Variants in CRACD observed in about 807,000 individuals in gnomAD.
The protein encoded by CRACD is capping protein inhibiting regulator of actin dynamics.
In CRACD, 56 loss-of-function variants were observed where a neutral mutation model predicts 106.8. The ratio of observed to expected loss-of-function variants is 0.52; its 90% CI spans 0.42 to 0.66. The LOEUF (loss-of-function observed/expected upper bound fraction) is 0.66, where lower values mean the gene tolerates loss of function less well. CRACD is among the 30% of genes least tolerant of loss of function. CRACD has a pLI of 0.00. For synonymous variants in CRACD, 754 were observed against 670.8 expected (o/e 1.12, Z -1.92); for missense variants, 1,730 against 1,623.2 (o/e 1.07, Z -1.13).
chr4:56,130,925 T>G (rs1734807005), intron 1 of CRACD, among the ~76,000 whole-genome samples: 1 of 152,184 alleles, frequency 6.6e-6, no homozygotes. Flanking sequence ...GGGTTAGAGA[T>G]TAGTCATTTG....
At position 56,103,625 on chromosome 4, in the gene CRACD, A is replaced by G. The variant is rs576308682; in HGVS notation, c.-336+54326A>G. On this transcript the variant is annotated intron_variant, in intron 1 of 10. Coordinates refer to ENST00000682029, the MANE Select transcript of CRACD (RefSeq NM_001393381.1). The stretch of plus-strand genomic sequence containing the variant: ...ACTAATTATTTTGTTACATTATTCC[A>G]TAAAGGATAAGGGAATTGGCAGAGT... Among the ~76,000 whole-genome samples, 7 of 152,346 alleles carry G rather than the reference A, an allele frequency of 4.6e-5. 1 individual carries two copies. The South Asian group carries it at 1.5e-3, about 32-fold the overall frequency.
At chr4:56,110,218 G>A (rs1734073363) in intron 1 of CRACD, among the ~76,000 whole-genome samples, 1 of 152,186 alleles carries the variant, frequency 6.6e-6, no homozygotes, top group African/African-American at 2.4e-5. Flanking sequence ...AAATGGAGCA[G>A]TGCCTTCAAA....
intron 1 of CRACD, among the ~76,000 whole-genome samples, chr4:56,109,406 A>G (rs1734048439): frequency 6.6e-6 from 1 of 152,130 alleles, no homozygotes. Flanking sequence ...GCACCTAGGT[A>G]ATCCTTCGCC....
intron 1 of CRACD, among the ~76,000 whole-genome samples, chr4:56,073,074 C>G (rs35204688): frequency 0.32 from 47,936 of 151,956 alleles, 7,909 homozygotes; most frequent in African/African-American, 0.41. Flanking sequence ...ATACGTTTGC[C>G]TGTGTCTTTA....
intron 1 of CRACD, among the ~76,000 whole-genome samples, chr4:56,147,287 C>G (rs981325598): frequency 3.2e-4 from 49 of 152,180 alleles, no homozygotes; most frequent in Admixed American, 3.1e-3. Flanking sequence ...AGGCTGAAAG[C>G]AAGAAACGAG....
At chr4:56,233,577 C>T (rs1028616801) in intron 2 of CRACD, among the ~76,000 whole-genome samples, 3 of 152,066 alleles carry the variant, frequency 2.0e-5, no homozygotes, top group Non-Finnish European at 2.9e-5. Context: ...ATTTTTATGC[C>T]AATACCACAC....
chr4:56,125,755 ATTC>A (rs202032983), intron 1 of CRACD, among the ~76,000 whole-genome samples: 20 of 134,948 alleles, frequency 1.5e-4, no homozygotes, highest in Non-Finnish European at 2.5e-4. Flanking sequence ...TATTACTGTC[ATTC>A]TTCTTCTTTT....
chr4:56,233,310 G>A (rs1428870156), intron 2 of CRACD, among the ~76,000 whole-genome samples: 1 of 151,802 alleles, frequency 6.6e-6, no homozygotes, highest in Non-Finnish European at 1.5e-5. Flanking sequence ...ACAGGGCCTT[G>A]CTATATTTCC....
intron 1 of CRACD, among the ~76,000 whole-genome samples, chr4:56,137,092 C>T (rs919155771): frequency 6.6e-6 from 1 of 152,070 alleles, no homozygotes; most frequent in African/African-American, 2.4e-5. Flanking sequence ...TGTCTTTACA[C>T]CAACACCTGT....
chr4:56,193,533 C>A (rs1167935788), intron 2 of CRACD, among the ~76,000 whole-genome samples: 1 of 152,150 alleles, frequency 6.6e-6, no homozygotes, highest in East Asian at 1.9e-4. Flanking sequence ...TTTCTTCCTT[C>A]CCAAATTGTT....
intron 2 of CRACD, among the ~76,000 whole-genome samples, chr4:56,226,350 G>A (rs1739301160): frequency 6.6e-6 from 1 of 152,084 alleles, no homozygotes; most frequent in South Asian, 2.1e-4. Context: ...TTTCAGTCCT[G>A]GTATATTGCG....
chr4:56,299,642 C>T (rs1744250323), intron 4 of CRACD, among the ~76,000 whole-genome samples: 2 of 151,094 alleles, frequency 1.3e-5, no homozygotes, highest in African/African-American at 4.9e-5. Context: ...TGCATGCCTT[C>T]CTGGGTGATA....
At chr4:56,206,513 G>A (rs556431696) in intron 2 of CRACD, among the ~76,000 whole-genome samples, 5 of 152,282 alleles carry the variant, frequency 3.3e-5, no homozygotes, top group South Asian at 2.1e-4. Flanking sequence ...ATTGACAGCC[G>A]TCCATCTCTG....
rs573669686 is a variant in CRACD at position 56,176,579 on chromosome 4, C to T, written c.-335-2705C>T. Reference sequence around the variant, plus strand: ...GAGTAGCTGGGACTACAGGCACCCACTACCACGCCCGGCTAATTTTTTTGT... The same window carrying T: ...GAGTAGCTGGGACTACAGGCACCCATTACCACGCCCGGCTAATTTTTTTGT... On this transcript the variant is annotated intron_variant, in intron 1 of 10. Transcript: ENST00000682029. Among the ~76,000 whole-genome samples, 17 of 152,178 alleles carry T rather than the reference C, an allele frequency of 1.1e-4. No homozygotes were observed. The South Asian group carries it at 3.5e-3, about 32-fold the overall frequency.
chr4:56,314,389 A>T lies in CRACD; in HGVS notation c.887A>T (p.Glu296Val), dbSNP rs1358017221. The change falls in exon 8 of 11, where the codon GAA becomes GTA. Residue 296 changes from glutamate to valine, a missense_variant. Around this residue, in one of 5 missense-constraint regions of CRACD, gnomAD observed 1,620 missense variants for 1,481.6 expected, o/e 1.09. Transcript: ENST00000682029. The surrounding 1 kb of genome is among the most constrained non-coding windows in gnomAD (Gnocchi z 4.4). ...APREEQQRSL[E>V]APGWEDAERR... ...CGGGAAGAGCAGCAGCGGAGCCTGG[A>T]AGCGCCAGGTTGGGAGGACGCGGAG... 6.5e-7 allele frequency: 1 copy of T among 1,542,888 alleles called. No individual in the cohort carries two copies. The highest frequency in any genetic ancestry group is 8.7e-7 in the Non-Finnish European group (1 of 1,143,798).
intron 2 of CRACD, among the ~76,000 whole-genome samples, chr4:56,264,566 G>T (rs1445822512): frequency 1.3e-5 from 2 of 152,264 alleles, no homozygotes; most frequent in East Asian, 1.9e-4. Context: ...CATCTGTTCA[G>T]GGATCTGAAC....
At chr4:56,310,790 C>CA in intron 6 of CRACD, 56 bp downstream of exon 6, 1 of 831,288 alleles carries the variant, frequency 1.2e-6, no homozygotes, top group Non-Finnish European at 1.8e-6. Flanking sequence ...CTTTCATCTT[C>CA]CCCCCCCCTT....
Position 56,328,329 on chromosome 4 carries a change from A to G in CRACD, c.*525A>G, listed in dbSNP as rs1396615734. On this transcript the variant is annotated 3_prime_UTR_variant, in exon 11 of 11. Transcript: ENST00000682029. ...ATGCAGTGAGTAATTGGGAATCACA[A>G]GGAACATTCTGGCACCCAACTGTGC... 7.7e-6 allele frequency: 4 copies of G among 518,828 alleles called. No homozygotes were observed. The highest frequency in any genetic ancestry group is 1.9e-5 in the Admixed American group (1 of 51,568). The allele number at this position is 518,828 out of a possible 1,614,324, so 32.1% of individuals were successfully genotyped here.
chr4:56,268,231 A>G (rs771443137), intron 2 of CRACD, among the ~76,000 whole-genome samples: 5 of 152,234 alleles, frequency 3.3e-5, no homozygotes, highest in Non-Finnish European at 7.3e-5. Context: ...ACTTCAACTG[A>G]ACATTATTAA....
Sources: gnomAD v4.1 joint callset for allele counts (sites outside exome capture counted in the v4.1 genomes callset) on GRCh38, gnomAD v4.1.1 for gene constraint, gnomAD v4.1.1 regional missense constraint, Gnocchi (gnomAD v3.1) non-coding constraint, MANE v1.5 for transcripts, NCBI Gene and HGNC (gene_info 2026-07-23, HGNC 2026-07-21) for gene names.